Variants in TSPAN14 observed in about 807,000 individuals in gnomAD.
The protein encoded by TSPAN14 is tetraspanin 14, also known as tetraspanin-14.
In TSPAN14, 16 loss-of-function variants were observed where a neutral mutation model predicts 36.6. The ratio of observed to expected loss-of-function variants is 0.44; its 90% CI spans 0.30 to 0.66. The LOEUF (loss-of-function observed/expected upper bound fraction) is 0.66, where lower values mean the gene tolerates loss of function less well. Among genes scored for constraint, TSPAN14 ranks in the 30% least tolerant of loss-of-function variants. The probability of loss-of-function intolerance (pLI) is 0.12; values close to 1 mark genes in which losing one functional copy is unlikely to be tolerated. For missense variants in TSPAN14, 231 were observed against 355.1 expected (o/e 0.65, Z 2.81); for synonymous variants, 139 against 143.8 (o/e 0.97, Z 0.24).
intron 7 of TSPAN14, chr10:80,515,561 G>C (rs1223917611): frequency 2.6e-5 from 4 of 152,340 alleles, no homozygotes; most frequent in African/African-American, 9.7e-5. Flanking sequence ...ACACAATTTA[G>C]CTCCTAACAC....
intron 1 of TSPAN14, among the ~76,000 whole-genome samples, chr10:80,465,290 GCTCCCGTTC>G (rs1301927531): frequency 6.6e-6 from 1 of 151,702 alleles, no homozygotes; most frequent in African/African-American, 2.4e-5. Context: ...TCAGCCCAGT[GCTCCCGTTC>G]CTCACGCGAG....
At chr10:80,517,837 C>T in intron 8 of TSPAN14, 68 bp from the exon 9 acceptor site, 2 of 1,484,448 alleles carry the variant, frequency 1.3e-6, no homozygotes, top group Non-Finnish European at 1.8e-6. Context: ...CCAACCCCAC[C>T]CTCCGCTCCC....
rs1847783856 is a variant in TSPAN14, at chr10:80,489,087, C to G, written c.-17-130C>G. ...CCTATACCTGGCCTTGGTATCAGGC[C>G]TCTGCTTGGACCAGTAAAGGGTCAT... is the stretch of plus-strand genomic sequence containing the variant. On this transcript the variant is annotated intron_variant, in intron 1 of 8. Transcript: ENST00000429989. The G allele has an allele frequency of 6.4e-6, 4 of 626,698 alleles. No individual in the cohort carries two copies. In the South Asian group the frequency reaches 7.5e-5, roughly 12 times the overall value. 38.8% of individuals were successfully genotyped at this position (626,698 alleles called of 1,614,324 possible). A position where few individuals can be genotyped will look rare whatever the true frequency, so the allele number is the denominator to read the frequency against.
At position 80,488,994 on chromosome 10, in the gene TSPAN14, C is replaced by A. The variant is rs149841522; in HGVS notation, c.-17-223C>A. On this transcript the variant is annotated intron_variant, in intron 1 of 8. Transcript: ENST00000429989. The stretch of plus-strand genomic sequence containing the variant: ...AGACACTTAAAAAGCATCTTTCTTC[C>A]TTTCAAAAATCTCCCTTATCCTTTC... Among the ~76,000 whole-genome samples, 204 of 152,352 alleles carry A rather than the reference C, an allele frequency of 1.3e-3. 1 individual carries two copies. Among genetic ancestry groups the A allele is most frequent in the African/African-American group, 4.7e-3 (194 of 41,582 alleles).
At position 80,509,221 on chromosome 10, in the gene TSPAN14, T is replaced by A; in HGVS notation, c.280-80T>A. 1 of 1,491,360 alleles carries A rather than the reference T, an allele frequency of 6.7e-7. No individual in the cohort carries two copies. Among genetic ancestry groups the A allele is most frequent in the Admixed American group, 1.9e-5 (1 of 53,402 alleles). 92.4% of individuals were successfully genotyped at this position (1,491,360 alleles called of 1,614,324 possible). ...CCCACGCTCTGCTGAGGATGGTGGT[T>A]CTGGGTCAGGTGGGGTTATGTGTGT... On this transcript the variant is annotated intron_variant, in intron 4 of 8. Transcript: ENST00000429989. The surrounding 1 kb of genome is among the most constrained non-coding windows in gnomAD (Gnocchi z 4.7).
chr10:80,505,249 C>T (rs1840221852), intron 3 of TSPAN14, among the ~76,000 whole-genome samples: 1 of 152,190 alleles, frequency 6.6e-6, no homozygotes, highest in African/African-American at 2.4e-5. Context: ...GGCCTCCTTG[C>T]CCAGCCTCAG....
Position 80,486,671 on chromosome 10 carries a change from C to A in TSPAN14, c.-17-2546C>A, listed in dbSNP as rs1847619455. On this transcript the variant is annotated intron_variant, in intron 1 of 8. Transcript: ENST00000429989. ...CCTGGAGGGCACAGCCTTCTACTTT[C>A]CAGGCTCCTCTGGGAACCACGAGGA... Among the ~76,000 whole-genome samples, 3 of 152,162 alleles carry A rather than the reference C, an allele frequency of 2.0e-5. No homozygotes were observed. In the South Asian group the frequency reaches 6.2e-4, roughly 31 times the overall value.
At chr10:80,516,992 A>C (rs1014107112) in intron 8 of TSPAN14, among the ~76,000 whole-genome samples, 1 of 152,234 alleles carries the variant, frequency 6.6e-6, no homozygotes, top group East Asian at 1.9e-4. Context: ...AAGAACTGGC[A>C]GAGAAAGTCA....
chr10:80,491,205 C>G (rs1283645823), intron 2 of TSPAN14, among the ~76,000 whole-genome samples: 1 of 152,198 alleles, frequency 6.6e-6, no homozygotes, highest in Non-Finnish European at 1.5e-5. Context: ...CCAACATCTG[C>G]ATCATTGTCC....
At chr10:80,520,436 CTCCTGTGCACTCCCCA>C (rs1249560167) in exon 9 of TSPAN14, 1 of 422,264 alleles carries the variant, frequency 2.4e-6, no homozygotes, top group Non-Finnish European at 4.7e-6. Context: ...CAGGGCAGGC[CTCCTGTGCACTCCCCA>C]CCTAGCACTG....
intron 2 of TSPAN14, among the ~76,000 whole-genome samples, chr10:80,498,516 CTGT>C: frequency 6.6e-6 from 1 of 152,212 alleles, no homozygotes; most frequent in Non-Finnish European, 1.5e-5. Context: ...CTCTGCTTCA[CTGT>C]TGTCTCCAGA....
chr10:80,512,244 TCTC>T, exon 6 of TSPAN14: 3 of 1,614,070 alleles, frequency 1.9e-6, no homozygotes, highest in Non-Finnish European at 2.5e-6. Flanking sequence ...GGGGTCCCCT[TCTC>T]CTGCTGCGTG....
intron 1 of TSPAN14, among the ~76,000 whole-genome samples, chr10:80,477,258 A>G (rs960569014): frequency 7.2e-5 from 11 of 152,254 alleles, no homozygotes; most frequent in African/African-American, 2.4e-4. Flanking sequence ...CCTTAATTAC[A>G]TGTGCCAAGT....
At chr10:80,500,308 C>T (rs1483813852) in intron 2 of TSPAN14, among the ~76,000 whole-genome samples, 1 of 112,786 alleles carries the variant, frequency 8.9e-6, no homozygotes, top group Non-Finnish European at 1.8e-5. Context: ...AACACAAGGC[C>T]TTATTCTTTT....
At chr10:80,522,326 C>T (rs1737834634) in exon 9 of TSPAN14, 1 of 152,152 alleles carries the variant, frequency 6.6e-6, no homozygotes. Flanking sequence ...GCCTGGACAA[C>T]ATGGTGATAC....
In TSPAN14 at chr10:80,512,140, G is replaced by A. The variant is rs781525088; in HGVS notation, c.451-4G>A. Reference sequence around the variant, plus strand: ...CCTAACAGTTCTGGCTTTTGTGGTTGCAGAACCAGTGCTGTGGCGCATATG... The same window carrying A: ...CCTAACAGTTCTGGCTTTTGTGGTTACAGAACCAGTGCTGTGGCGCATATG... On this transcript the variant is annotated splice_polypyrimidine_tract_variant and splice_region_variant and intron_variant, in intron 5 of 8. Coordinates refer to ENST00000429989, the Ensembl canonical transcript of TSPAN14. The A allele has an allele frequency of 3.1e-6, 5 of 1,614,132 alleles. No individual in the cohort carries two copies. Among genetic ancestry groups the A allele is most frequent in the Non-Finnish European group, 4.2e-6 (5 of 1,179,984 alleles).
At chr10:80,455,036 C>T (rs4934189) in intron 1 of TSPAN14, among the ~76,000 whole-genome samples, 87,996 of 151,900 alleles carry the variant, frequency 0.58, 26,035 homozygotes, top group East Asian at 0.95. Context: ...AAAGCCTGAC[C>T]CCTGACCTAG....
intron 1 of TSPAN14, among the ~76,000 whole-genome samples, chr10:80,455,370 A>G (rs901006662): frequency 3.3e-5 from 5 of 152,104 alleles, no homozygotes; most frequent in African/African-American, 9.7e-5. Flanking sequence ...CCGGGAGGTC[A>G]GGCGGTGCTG....
At chr10:80,511,799 T>C (rs1344802508) in intron 5 of TSPAN14, among the ~76,000 whole-genome samples, 1 of 150,324 alleles carries the variant, frequency 6.7e-6, no homozygotes, top group Non-Finnish European at 1.5e-5. Flanking sequence ...TCCTTTTCTC[T>C]TTCTCTCTCT....
Sources: gnomAD v4.1 joint callset for allele counts (sites outside exome capture counted in the v4.1 genomes callset) on GRCh38, gnomAD v4.1.1 for gene constraint, Gnocchi (gnomAD v3.1) non-coding constraint, MANE v1.5 for transcripts, NCBI Gene and HGNC (gene_info 2026-07-23, HGNC 2026-07-21) for gene names.